The following TBC1D32 variants were observed in gnomAD, a reference collection of about 807,000 sequenced individuals.
TBC1D32 encodes the protein TBC1 domain family member 32.
TBC1D32 carries 151 observed loss-of-function variants against 170.3 expected under a neutral mutation model. The observed-to-expected ratio is 0.89, with a 90% CI of 0.78 to 1.01. The LOEUF is 1.01. Among genes scored for constraint, TBC1D32 ranks in the 50% least tolerant of loss-of-function variants. TBC1D32 has a pLI of 0.00. For missense variants in TBC1D32, 1,464 were observed against 1,457.1 expected, an observed-to-expected ratio of 1.00 and a Z score of -0.08; for synonymous variants, 498 against 488.0, an observed-to-expected ratio of 1.02 and a Z score of -0.27.
intron 25 of TBC1D32, 127 bp from the exon 26 acceptor site, chr6:121,126,588 A>T: frequency 1.7e-6 from 1 of 586,980 alleles, no homozygotes; most frequent in Non-Finnish European, 3.0e-6. Flanking sequence ...AGGGAGTTCA[A>T]TTCAAATGCG....
chr6:121,159,686 T>C (rs1312510565), intron 24 of TBC1D32, among the ~76,000 whole-genome samples: 1 of 152,146 alleles, frequency 6.6e-6, no homozygotes, highest in African/African-American at 2.4e-5. Context: ...CTGTACTGAA[T>C]ACTGTAGGCA....
At chr6:121,171,807 C>T (rs1216503146) in intron 22 of TBC1D32, among the ~76,000 whole-genome samples, 3 of 151,982 alleles carry the variant, frequency 2.0e-5, no homozygotes, top group Non-Finnish European at 4.4e-5. Flanking sequence ...TTCAAACAAA[C>T]ATATCATGAG....
chr6:121,254,615 C>CG (rs1244704176), intron 17 of TBC1D32, among the ~76,000 whole-genome samples: 8 of 29,386 alleles, frequency 2.7e-4, no homozygotes, highest in African/African-American at 4.7e-4. Context: ...ATGCAGAAGG[C>CG]TTTTTGATTG....
At chr6:121,181,987 T>G (rs1788575003) in intron 22 of TBC1D32, among the ~76,000 whole-genome samples, 1 of 152,084 alleles carries the variant, frequency 6.6e-6, no homozygotes, top group South Asian at 2.1e-4. Context: ...TACTACACAT[T>G]GTATACATGG....
Position 121,334,347 on chromosome 6 carries a change from C to A in TBC1D32, c.84G>T (p.Thr28=). 2 of 1,614,156 alleles carry A rather than the reference C, an allele frequency of 1.2e-6. No homozygotes were observed. The highest frequency in any genetic ancestry group is 1.7e-6 in the Non-Finnish European group (2 of 1,180,012). The stretch of plus-strand genomic sequence containing the variant: ...CGGCACACTCCAGGGAAGGGGCACC[C>A]GTGATTTTCTCCTTCACGCTCTGGA... ...RLFQSVKEKI[T]GAPSLECAEE... Residue 28 remains threonine, a synonymous_variant, in exon 1 of 32, where the codon ACG becomes ACT. Coordinates refer to ENST00000398212, the MANE Select transcript of TBC1D32 (RefSeq NM_152730.6).
In TBC1D32 at chr6:121,131,697, T is replaced by C; in HGVS notation, c.2829A>G (p.Glu943=). 1 of 1,610,254 alleles carries C rather than the reference T, an allele frequency of 6.2e-7. No individual in the cohort carries two copies. Among genetic ancestry groups the C allele is most frequent in the Non-Finnish European group, 8.5e-7 (1 of 1,177,726 alleles). The change falls in exon 25 of 32, where the codon GAA becomes GAG. Residue 943 remains glutamate (E), a synonymous_variant. Coordinates refer to ENST00000398212, the MANE Select transcript of TBC1D32 (RefSeq NM_152730.6). ...LCLKISDKQT[E]WIENCQRQFC... ...ATTGTCTTTGGCAGTTTTCTATCCA[T>C]TCAGTTTGTTTATCAGATATTTTGA...
intron 13 of TBC1D32, among the ~76,000 whole-genome samples, chr6:121,282,078 T>C (rs1281653659): frequency 2.0e-5 from 3 of 151,686 alleles, no homozygotes; most frequent in Non-Finnish European, 3.0e-5. Flanking sequence ...TTAAATAATA[T>C]ACTCAAGTAT....
At chr6:121,288,640 C>G (rs1009233416) in intron 12 of TBC1D32, among the ~76,000 whole-genome samples, 1 of 152,192 alleles carries the variant, frequency 6.6e-6, no homozygotes, top group Non-Finnish European at 1.5e-5. Flanking sequence ...GGAATCCTCT[C>G]TAACTCATTT....
At chr6:121,213,704 G>A (rs564379927) in intron 21 of TBC1D32, among the ~76,000 whole-genome samples, 10 of 152,128 alleles carry the variant, frequency 6.6e-5, no homozygotes, top group East Asian at 3.9e-4. Flanking sequence ...ATATCATTAC[G>A]ATGGGCATAC....
chr6:121,285,249 T>C (rs1803617749), intron 12 of TBC1D32, among the ~76,000 whole-genome samples: 1 of 152,134 alleles, frequency 6.6e-6, no homozygotes, highest in Non-Finnish European at 1.5e-5. Context: ...TATGATTTAT[T>C]ATAACAAAAG....
At chr6:121,136,014 T>C (rs1782029820) in intron 24 of TBC1D32, among the ~76,000 whole-genome samples, 1 of 152,102 alleles carries the variant, frequency 6.6e-6, no homozygotes, top group Non-Finnish European at 1.5e-5. Flanking sequence ...AAGCTAATAA[T>C]GTCTAATGCC....
chr6:121,278,338 T>C (rs1177910286), intron 15 of TBC1D32, among the ~76,000 whole-genome samples: 3 of 151,956 alleles, frequency 2.0e-5, no homozygotes, highest in African/African-American at 7.2e-5. Context: ...GAGGCAAAAA[T>C]CCTCAATAAA....
At chr6:121,113,942 G>A (rs763767636) in intron 27 of TBC1D32, among the ~76,000 whole-genome samples, 6 of 152,224 alleles carry the variant, frequency 3.9e-5, no homozygotes, top group East Asian at 1.9e-4. Context: ...TTGGGAGGCC[G>A]AGGTGGGTGG....
chr6:121,131,715 T>C lies in TBC1D32; in HGVS notation c.2811A>G (p.Ile937Met). Residue 937 changes from isoleucine to methionine, a missense_variant, in exon 25 of 32, where the codon ATA (isoleucine) becomes ATG (methionine). Around this residue, in one of 3 missense-constraint regions of TBC1D32, gnomAD observed 1,363 missense variants for 1,338.1 expected, o/e 1.02. Transcript: ENST00000398212. Reference protein sequence around the residue: ...DLDKLLLCLKISDKQTEWIEN... With the variant: ...DLDKLLLCLKMSDKQTEWIEN... Reference sequence around the variant, plus strand: ...CTATCCATTCAGTTTGTTTATCAGATATTTTGAGGCATAATAAAAGCTTGT... The same window carrying C: ...CTATCCATTCAGTTTGTTTATCAGACATTTTGAGGCATAATAAAAGCTTGT... The C allele has an allele frequency of 3.1e-6, 5 of 1,607,772 alleles. No homozygotes were observed. The highest frequency in any genetic ancestry group is 1.1e-5 in the South Asian group (1 of 90,818).
intron 29 of TBC1D32, among the ~76,000 whole-genome samples, chr6:121,108,752 C>A (rs1415199499): frequency 5.3e-5 from 8 of 151,652 alleles, no homozygotes; most frequent in Admixed American, 5.3e-4. Flanking sequence ...AAAACTAGTT[C>A]TACTTTGCTA....
rs759677081 is a variant in TBC1D32, at chr6:121,126,462, C to G, written c.2900-1G>C. On this transcript the variant is annotated splice_acceptor_variant, in intron 25 of 31. Coordinates refer to ENST00000398212, the MANE Select transcript of TBC1D32 (RefSeq NM_152730.6). LOFTEE classifies it high-confidence loss of function. The stretch of plus-strand genomic sequence containing the variant: ...AATTTTTCAAGTAATTCTATTAAGG[C>G]TGTAATAAACAAAGGAATAATTAGG... The G allele has an allele frequency of 6.2e-7, 1 of 1,601,976 alleles. No individual in the cohort carries two copies. The highest frequency in any genetic ancestry group is 8.5e-7 in the Non-Finnish European group (1 of 1,171,938).
rs142244727 is a variant in TBC1D32, at chr6:121,265,534, A to G, written c.1734-9249T>C. On this transcript the variant is annotated intron_variant, in intron 15 of 31. Transcript: ENST00000398212. ...CTATTCCCATCAAACTACCATTGAC[A>G]TTCTTCACAGAATTAGAAAAAAAAC... is the stretch of plus-strand genomic sequence containing the variant. Among the ~76,000 whole-genome samples the G allele has an allele frequency of 2.1e-3, 314 of 152,110 alleles. 1 individual carries two copies. Among genetic ancestry groups the G allele is most frequent in the African/African-American group, 7.3e-3 (302 of 41,512 alleles).
intron 22 of TBC1D32, among the ~76,000 whole-genome samples, chr6:121,190,073 GACACACACACACACACACACACACAC>G (rs533974518): frequency 5.6e-4 from 36 of 63,732 alleles, no homozygotes; most frequent in Non-Finnish European, 7.5e-4. Context: ...GCCCAATACA[GACACACACACACACACACACACACAC>G]ACACACACAC....
At chr6:121,222,234 A>G (rs1323658669) in intron 21 of TBC1D32, among the ~76,000 whole-genome samples, 1 of 152,236 alleles carries the variant, frequency 6.6e-6, no homozygotes, top group Admixed American at 6.5e-5. Context: ...ACTAAAGTAT[A>G]GTGTAAACAT....
Sources: allele counts gnomAD v4.1 joint callset (sites outside exome capture counted in the v4.1 genomes callset), GRCh38; gene constraint gnomAD v4.1.1; regional missense constraint gnomAD v4.1.1; transcripts MANE v1.5; gene names NCBI Gene and HGNC (gene_info 2026-07-23, HGNC 2026-07-21).